Variants in DLGAP2 observed in about 807,000 individuals in gnomAD.
The protein encoded by DLGAP2 is DLG associated protein 2.
Under a neutral mutation model 100.3 loss-of-function variants are expected in DLGAP2, and 26 were observed. The observed-to-expected ratio is 0.26, with a 90% CI of 0.19 to 0.36. The LOEUF is 0.36. Ranked by LOEUF, DLGAP2 falls within the 10% of genes least tolerant of loss-of-function variation. The probability of loss-of-function intolerance (pLI) is 1.00; values close to 1 mark genes in which losing one functional copy is unlikely to be tolerated. For synonymous variants in DLGAP2, 886 were observed against 630.1 expected (o/e 1.41, Z -6.08); for missense variants, 1,858 against 1,453.2 (o/e 1.28, Z -4.53).
rs114400209 is a variant in DLGAP2 at position 1,481,287 on chromosome 8, C to T, written c.107-20079C>T. ...TTTCCTACATGATCCATGTACAAGGCCATTAAAACAAACAAAATAGTGTGA... is the reference window on the plus strand; with the variant it reads ...TTTCCTACATGATCCATGTACAAGGTCATTAAAACAAACAAAATAGTGTGA... On this transcript the variant is annotated intron_variant, in intron 3 of 14. Transcript: ENST00000637795. 8.2e-3 allele frequency among the ~76,000 whole-genome samples: 1,241 copies of T among 152,140 alleles called. 21 individuals are homozygous for T. The highest frequency in any genetic ancestry group is 0.029 in the African/African-American group (1,187 of 41,512).
intron 3 of DLGAP2, among the ~76,000 whole-genome samples, chr8:1,483,357 G>A (rs1799150395): frequency 6.6e-6 from 1 of 152,216 alleles, no homozygotes; most frequent in African/African-American, 2.4e-5. Context: ...AGGCCGCGGT[G>A]TGTTTCCAGA....
intron 2 of DLGAP2, among the ~76,000 whole-genome samples, chr8:1,150,070 C>T (rs763598549): frequency 1.1e-4 from 17 of 152,186 alleles, no homozygotes; most frequent in Non-Finnish European, 2.2e-4. Flanking sequence ...CCTTTCTTTG[C>T]TCTTCATTTC....
chr8:1,116,224 C>T (rs569763867), intron 2 of DLGAP2, among the ~76,000 whole-genome samples: 4 of 152,288 alleles, frequency 2.6e-5, no homozygotes, highest in South Asian at 4.1e-4. Flanking sequence ...AGGCCCTCCC[C>T]GTTCATCTGG....
At chr8:1,284,747 G>A (rs1471371606) in intron 3 of DLGAP2, among the ~76,000 whole-genome samples, 3 of 152,186 alleles carry the variant, frequency 2.0e-5, no homozygotes, top group Non-Finnish European at 2.9e-5. Flanking sequence ...GAGTAGCTGG[G>A]ACCACAGGCA....
At chr8:1,417,647 A>AG (rs150082658) in intron 3 of DLGAP2, among the ~76,000 whole-genome samples, 923 of 56,702 alleles carry the variant, frequency 0.016, 50 homozygotes, top group East Asian at 0.12. Flanking sequence ...GGGCACGGGG[A>AG]GCCCCACTCC....
rs76131816 is a variant in DLGAP2 at position 1,415,472 on chromosome 8, C to T, written c.107-85894C>T. Among the ~76,000 whole-genome samples, 450 of 152,222 alleles carry T rather than the reference C, an allele frequency of 3.0e-3. 10 individuals are homozygous for T. In the East Asian group the frequency reaches 0.048, roughly 16 times the overall value. ...TCTTCCCCAGCCCCTTTTTCCCTCC[C>T]CCTCTAGTAGCCCTGGTGTCTGCTG... On this transcript the variant is annotated intron_variant, in intron 3 of 14. Transcript: ENST00000637795.
At chr8:1,066,004 G>T (rs1803233423) in intron 2 of DLGAP2, among the ~76,000 whole-genome samples, 1 of 152,356 alleles carries the variant, frequency 6.6e-6, no homozygotes, top group Admixed American at 6.5e-5. Flanking sequence ...ACGTCGTGGT[G>T]GTGTCCAGGC....
chr8:1,156,035 C>A (rs1285852205), intron 2 of DLGAP2, among the ~76,000 whole-genome samples: 1 of 152,188 alleles, frequency 6.6e-6, no homozygotes, highest in East Asian at 1.9e-4. Context: ...GCTGCTGCGT[C>A]CCTGACACCC....
intron 2 of DLGAP2, among the ~76,000 whole-genome samples, chr8:1,101,566 T>C (rs1402063778): frequency 2.0e-5 from 3 of 152,042 alleles, no homozygotes; most frequent in African/African-American, 7.2e-5. Flanking sequence ...ACGCTCAGTC[T>C]GGGAAGATGG....
chr8:1,565,418 G>A (rs1273422743), intron 5 of DLGAP2: 11 of 372,338 alleles, frequency 3.0e-5, no homozygotes, highest in Admixed American at 9.2e-5. Flanking sequence ...TGCTGAGATT[G>A]CAAGTGTCCC....
At chr8:1,602,475 C>A (rs185839093) in intron 6 of DLGAP2, among the ~76,000 whole-genome samples, 345 of 152,352 alleles carry the variant, frequency 2.3e-3, no homozygotes, top group African/African-American at 8.1e-3. Flanking sequence ...ATTCATGCAG[C>A]CATGTTGCCC....
At position 821,063 on chromosome 8, in the gene DLGAP2, T is replaced by G. The variant is rs189864402; in HGVS notation, c.18+83238T>G. ...CTTACAGGAAACCAACGGTTGATTT[T>G]CAGTTTGTTTATTATTTTATAATGA... is the stretch of plus-strand genomic sequence containing the variant. On this transcript the variant is annotated intron_variant, in intron 1 of 14. Transcript: ENST00000637795. Among the ~76,000 whole-genome samples, 27 of 152,346 alleles carry G rather than the reference T, an allele frequency of 1.8e-4. No individual in the cohort carries two copies. In the East Asian group the frequency reaches 3.1e-3, roughly 17 times the overall value.
At chr8:1,346,581 C>T (rs1244264620) in intron 3 of DLGAP2, among the ~76,000 whole-genome samples, 2 of 151,588 alleles carry the variant, frequency 1.3e-5, no homozygotes, top group Non-Finnish European at 2.9e-5. Context: ...AGTTCCCATA[C>T]ACATCTGCAT....
Position 1,291,628 on chromosome 8 carries a change from G to T in DLGAP2, c.106+32745G>T, listed in dbSNP as rs116450057. ...GCATATCTCCTATCTTTAAAATTAC[G>T]GGATCAGGCTAAGGGATCTCCAAAT... On this transcript the variant is annotated intron_variant, in intron 3 of 14. Coordinates refer to ENST00000637795, the MANE Select transcript of DLGAP2 (RefSeq NM_001346810.2). 6.1e-3 allele frequency among the ~76,000 whole-genome samples: 936 copies of T among 152,202 alleles called. 15 individuals are homozygous for T. The highest frequency in any genetic ancestry group is 0.021 in the African/African-American group (871 of 41,522).
intron 2 of DLGAP2, among the ~76,000 whole-genome samples, chr8:1,174,490 CATT>C (rs1245641755): frequency 1.3e-5 from 2 of 151,982 alleles, no homozygotes; most frequent in African/African-American, 2.4e-5. Context: ...TCATCATCAT[CATT>C]ACCATCATCA....
intron 13 of DLGAP2, among the ~76,000 whole-genome samples, chr8:1,692,949 G>C (rs1460879552): frequency 1.4e-5 from 2 of 147,958 alleles, no homozygotes; most frequent in Non-Finnish European, 3.0e-5. Flanking sequence ...ATTTCTGGCA[G>C]AGCAGAAAAG....
Position 1,469,899 on chromosome 8 carries a change from G to C in DLGAP2, c.107-31467G>C, listed in dbSNP as rs141052542. The stretch of plus-strand genomic sequence containing the variant: ...GGGCCAAGCGTGGTGGTTTATGCCT[G>C]TAATCCCACACTTTGGGAGGCTGAG... On this transcript the variant is annotated intron_variant, in intron 3 of 14. Coordinates refer to ENST00000637795, the MANE Select transcript of DLGAP2 (RefSeq NM_001346810.2). Among the ~76,000 whole-genome samples the C allele has an allele frequency of 1.8e-3, 271 of 151,886 alleles. 1 individual carries two copies. Among genetic ancestry groups the C allele is most frequent in the African/African-American group, 6.3e-3 (262 of 41,412 alleles).
intron 1 of DLGAP2, among the ~76,000 whole-genome samples, chr8:830,013 G>C (rs543424870): frequency 6.6e-6 from 1 of 152,126 alleles, no homozygotes; most frequent in Non-Finnish European, 1.5e-5. Context: ...CCTTGGAATA[G>C]CTCTTTGGAC....
chr8:1,052,892 A>C (rs899980096), intron 2 of DLGAP2, among the ~76,000 whole-genome samples: 1 of 152,230 alleles, frequency 6.6e-6, no homozygotes, highest in Non-Finnish European at 1.5e-5. Flanking sequence ...ATTCAAACTC[A>C]TTATTAATCT....
Sources: gnomAD v4.1 joint callset for allele counts (sites outside exome capture counted in the v4.1 genomes callset) on GRCh38, gnomAD v4.1.1 for gene constraint, MANE v1.5 for transcripts, NCBI Gene and HGNC (gene_info 2026-07-23, HGNC 2026-07-21) for gene names.